The following XIRP2 variants were observed in gnomAD, a reference collection of about 807,000 sequenced individuals.
XIRP2 encodes xin actin binding repeat containing 2.
A neutral mutation model predicts 277.0 loss-of-function variants in XIRP2; 236 were observed. The observed-to-expected ratio is 0.85, with a 90% CI of 0.77 to 0.95. The LOEUF (loss-of-function observed/expected upper bound fraction) is 0.95, where lower values mean the gene tolerates loss of function less well. XIRP2 is among the 40% of genes least tolerant of loss of function. XIRP2 has a pLI of 0.00. For missense variants in XIRP2, 4,640 were observed against 4,157.5 expected (o/e 1.12, Z -3.19); for synonymous variants, 1,490 against 1,416.5 (o/e 1.05, Z -1.17).
chr2:166,983,619 G>C (rs1203830225), intron 2 of XIRP2, among the ~76,000 whole-genome samples: 1 of 152,018 alleles, frequency 6.6e-6, no homozygotes, highest in South Asian at 2.1e-4. Context: ...TTGTAGTCTT[G>C]ACTTCATGCT....
At chr2:167,194,285 C>T (rs773794655) in intron 3 of XIRP2, among the ~76,000 whole-genome samples, 10 of 151,640 alleles carry the variant, frequency 6.6e-5, no homozygotes, top group Admixed American at 2.0e-4. Flanking sequence ...TTCACCATGT[C>T]GGGCAGGCTA....
At chr2:167,197,725 C>G (rs907085582) in intron 3 of XIRP2, among the ~76,000 whole-genome samples, 2 of 152,042 alleles carry the variant, frequency 1.3e-5, no homozygotes, top group African/African-American at 4.8e-5. Flanking sequence ...ACTGTGAAAG[C>G]CTAGTTTCAT....
At chr2:166,919,837 G>A (rs915681264) in intron 2 of XIRP2, among the ~76,000 whole-genome samples, 7 of 152,018 alleles carry the variant, frequency 4.6e-5, no homozygotes, top group Non-Finnish European at 1.0e-4. Context: ...AGCAGACACA[G>A]ACACACATAC....
Position 167,067,275 on chromosome 2 carries a change from G to A in XIRP2, c.409-68634G>A, listed in dbSNP as rs116434424. Among the ~76,000 whole-genome samples the A allele has an allele frequency of 3.2e-3, 458 of 143,568 alleles. 2 individuals are homozygous for A. The highest frequency in any genetic ancestry group is 0.012 in the African/African-American group (435 of 35,232). The allele number at this position is 143,568 out of a possible 152,430, so 94.2% of individuals were successfully genotyped here. On this transcript the variant is annotated intron_variant, in intron 2 of 10. Coordinates refer to ENST00000409195, the MANE Select transcript of XIRP2 (RefSeq NM_152381.6). Reference sequence around the variant, plus strand: ...TATTTTCAATATTTTCCATTGCTATGTCTTCAAGTTCACTAATATTTTATT... The same window carrying A: ...TATTTTCAATATTTTCCATTGCTATATCTTCAAGTTCACTAATATTTTATT...
chr2:167,221,582 T>G (rs2105404863), intron 5 of XIRP2, among the ~76,000 whole-genome samples: 1 of 151,532 alleles, frequency 6.6e-6, no homozygotes, highest in African/African-American at 2.4e-5. Flanking sequence ...GCAGGGAAAA[T>G]GTAGAAAAAC....
intron 2 of XIRP2, among the ~76,000 whole-genome samples, chr2:166,914,501 C>T (rs375313027): frequency 2.1e-4 from 32 of 151,842 alleles, no homozygotes; most frequent in African/African-American, 6.5e-4. Flanking sequence ...CCACCTTGCC[C>T]GGCTAATTTT....
intron 2 of XIRP2, among the ~76,000 whole-genome samples, chr2:167,028,087 T>C (rs1688224980): frequency 1.3e-5 from 2 of 152,118 alleles, no homozygotes; most frequent in Admixed American, 1.3e-4. Flanking sequence ...TTTAACATTA[T>C]GATCAAAAAC....
At chr2:167,229,254 G>T (rs1694688183) in intron 5 of XIRP2, among the ~76,000 whole-genome samples, 1 of 151,992 alleles carries the variant, frequency 6.6e-6, no homozygotes, top group Non-Finnish European at 1.5e-5. Context: ...CTATCTGAAG[G>T]CTCATATTAG....
At chr2:166,942,283 T>C (rs1396804986) in intron 2 of XIRP2, among the ~76,000 whole-genome samples, 6 of 152,200 alleles carry the variant, frequency 3.9e-5, no homozygotes, top group Non-Finnish European at 8.8e-5. Context: ...CATTTTGATA[T>C]CTTAGAATAA....
At chr2:166,999,749 A>T (rs754027767) in intron 2 of XIRP2, among the ~76,000 whole-genome samples, 6 of 152,166 alleles carry the variant, frequency 3.9e-5, no homozygotes, top group Non-Finnish European at 7.4e-5. Context: ...TAAGCAAGAG[A>T]TAATTAACTT....
rs1470366389 is a variant in XIRP2, at chr2:166,925,589, G to GTATATA, written c.408+21700_408+21705dup. Among the ~76,000 whole-genome samples the GTATATA allele has an allele frequency of 8.7e-3, 925 of 105,832 alleles. 15 individuals carry two copies. The highest frequency in any genetic ancestry group is 0.032 in the East Asian group (111 of 3,504). 69.4% of individuals were successfully genotyped at this position (105,832 alleles called of 152,430 possible). A position where few individuals can be genotyped will look rare whatever the true frequency, so the allele number is the denominator to read the frequency against. On this transcript the variant is annotated intron_variant, in intron 2 of 10. Transcript: ENST00000409195. ...TGTGTATGTATGTGTGTGTGTATGT[G>GTATATA]TATATACATATATATATATATATAT...
At chr2:167,199,500 AG>A (rs773822157) in intron 3 of XIRP2, among the ~76,000 whole-genome samples, 1 of 152,232 alleles carries the variant, frequency 6.6e-6, no homozygotes. Flanking sequence ...TATGAAAGAA[AG>A]GGTTGATCAT....
intron 2 of XIRP2, among the ~76,000 whole-genome samples, chr2:166,946,435 G>C (rs1485125709): frequency 6.6e-6 from 1 of 151,994 alleles, no homozygotes; most frequent in African/African-American, 2.4e-5. Flanking sequence ...GATTTATTTT[G>C]TTACTCTGAT....
chr2:167,171,771 C>T (rs1167610865), intron 3 of XIRP2, among the ~76,000 whole-genome samples: 1 of 152,152 alleles, frequency 6.6e-6, no homozygotes, highest in Non-Finnish European at 1.5e-5. Flanking sequence ...ATGTCTTCTT[C>T]ATAAATTGGT....
At chr2:166,919,899 G>T (rs1171233037) in intron 2 of XIRP2, among the ~76,000 whole-genome samples, 2 of 152,054 alleles carry the variant, frequency 1.3e-5, no homozygotes, top group Admixed American at 1.3e-4. Flanking sequence ...AAATCAAGAG[G>T]TTGCAGGTCA....
chr2:167,118,631 A>G (rs1259894103), intron 2 of XIRP2, among the ~76,000 whole-genome samples: 1 of 152,160 alleles, frequency 6.6e-6, no homozygotes, highest in Admixed American at 6.5e-5. Context: ...TGCAGCATTC[A>G]GAACACCATA....
chr2:166,933,731 G>A (rs998544188), intron 2 of XIRP2, among the ~76,000 whole-genome samples: 7 of 152,048 alleles, frequency 4.6e-5, no homozygotes, highest in African/African-American at 1.7e-4. Context: ...TCCTGAAGAA[G>A]AACTAGGGTT....
chr2:166,912,028 T>C (rs1002924929), intron 2 of XIRP2, among the ~76,000 whole-genome samples: 15 of 152,306 alleles, frequency 9.8e-5, no homozygotes, highest in Non-Finnish European at 4.4e-5. Flanking sequence ...TTTCTTTCTG[T>C]CTGCCCTTAA....
At chr2:167,153,326 C>A (rs1463509754) in intron 3 of XIRP2, among the ~76,000 whole-genome samples, 1 of 151,830 alleles carries the variant, frequency 6.6e-6, no homozygotes, top group African/African-American at 2.4e-5. Flanking sequence ...GTTACTTAAC[C>A]ACTTTAAGCT....
Sources: gnomAD v4.1 joint callset for allele counts (sites outside exome capture counted in the v4.1 genomes callset) on GRCh38, gnomAD v4.1.1 for gene constraint, MANE v1.5 for transcripts, NCBI Gene and HGNC (gene_info 2026-07-23, HGNC 2026-07-21) for gene names.